The following FBXO11 variants were observed in gnomAD, a reference collection of about 807,000 sequenced individuals.
The protein encoded by FBXO11 is F-box protein 11.
Under a neutral mutation model 117.0 loss-of-function variants are expected in FBXO11, and 13 were observed. The ratio of observed to expected loss-of-function variants is 0.11; its 90% confidence interval spans 0.07 to 0.18. The LOEUF (loss-of-function observed/expected upper bound fraction) is 0.18, where lower values mean the gene tolerates loss of function less well. FBXO11 is among the 10% of genes least tolerant of loss of function. The pLI is 1.00. For synonymous variants in FBXO11, 490 were observed against 380.5 expected, an observed-to-expected ratio of 1.29 and a Z score of -3.35; for missense variants, 767 against 1,164.4, an observed-to-expected ratio of 0.66 and a Z score of 4.97.
chr2:47,901,042 TAC>T (rs1469691203), intron 1 of FBXO11, among the ~76,000 whole-genome samples: 1 of 137,024 alleles, frequency 7.3e-6, no homozygotes, highest in African/African-American at 2.6e-5. Flanking sequence ...CACACGTGTG[TAC>T]ATATATACAC....
rs1670266447 is a variant in FBXO11, at chr2:47,807,138, T to C, written c.*980A>G. 2.5e-6 allele frequency: 1 copy of C among 403,394 alleles called. No individual in the cohort carries two copies. The highest frequency in any genetic ancestry group is 3.4e-5 in the South Asian group (1 of 29,098). The allele number at this position is 403,394 out of a possible 1,614,324, so 25.0% of individuals were successfully genotyped here. On this transcript the variant is annotated 3_prime_UTR_variant, in exon 23 of 23. Coordinates refer to ENST00000403359, the MANE Select transcript of FBXO11 (RefSeq NM_001190274.2). ...AATGGGGGAGGAAAAGCTATGAAAC[T>C]GTATAGGGCTGTATATATACTTGTC...
intron 1 of FBXO11, among the ~76,000 whole-genome samples, chr2:47,885,203 T>C (rs186703635): frequency 1.5e-3 from 226 of 152,150 alleles, no homozygotes; most frequent in African/African-American, 5.2e-3. Flanking sequence ...TAAAAGGAAG[T>C]GATCGAATAC....
At chr2:47,809,993 T>C (rs1670503552) in intron 19 of FBXO11, 1 of 489,782 alleles carries the variant, frequency 2.0e-6, no homozygotes, top group Non-Finnish European at 3.6e-6. Flanking sequence ...TCTTTTTCTG[T>C]TGCAGATTTA....
At position 47,864,122 on chromosome 2, in the gene FBXO11, T is replaced by C. The variant is rs566622393; in HGVS notation, c.233-24353A>G. Reference sequence around the variant, plus strand: ...ATGTTTACAAAGGCATGTGACTTCATTGATCTTCACAGTTATAAGACTAAC... The same window carrying C: ...ATGTTTACAAAGGCATGTGACTTCACTGATCTTCACAGTTATAAGACTAAC... On this transcript the variant is annotated intron_variant, in intron 1 of 22. Coordinates refer to ENST00000403359, the MANE Select transcript of FBXO11 (RefSeq NM_001190274.2). Among the ~76,000 whole-genome samples, 21 of 152,322 alleles carry C rather than the reference T, an allele frequency of 1.4e-4. 1 individual carries two copies. The highest frequency in any genetic ancestry group is 9.6e-4 in the East Asian group (5 of 5,192).
rs140219330 is a variant in FBXO11, at chr2:47,901,065, A to G, written c.232+4424T>C. 3.6e-3 allele frequency among the ~76,000 whole-genome samples: 468 copies of G among 128,320 alleles called. 4 individuals carry two copies. The highest frequency in any genetic ancestry group is 0.012 in the African/African-American group (444 of 36,914). 84.2% of individuals were successfully genotyped at this position (128,320 alleles called of 152,430 possible). On this transcript the variant is annotated intron_variant, in intron 1 of 22. Transcript: ENST00000403359. ...TGTACATATATACACATATATATGT[A>G]TATATATACACACGTGTGTACATAT...
At chr2:47,891,901 G>C (rs1446841451) in intron 1 of FBXO11, among the ~76,000 whole-genome samples, 1 of 151,940 alleles carries the variant, frequency 6.6e-6, no homozygotes, top group African/African-American at 2.4e-5. Flanking sequence ...ATACTTGCTT[G>C]CCATCTGTAT....
chr2:47,882,933 G>A (rs962136661), intron 1 of FBXO11, among the ~76,000 whole-genome samples: 1 of 152,198 alleles, frequency 6.6e-6, no homozygotes, highest in African/African-American at 2.4e-5. Context: ...ACAGGCGTGA[G>A]TCCCCATGCC....
At chr2:47,823,973 A>G (rs1671564243) in intron 11 of FBXO11, among the ~76,000 whole-genome samples, 1 of 152,110 alleles carries the variant, frequency 6.6e-6, no homozygotes, top group Non-Finnish European at 1.5e-5. Context: ...CTAGGACCAT[A>G]GAAAGGCACA....
At chr2:47,854,851 G>GT (rs770264788) in intron 1 of FBXO11, among the ~76,000 whole-genome samples, 48 of 75,160 alleles carry the variant, frequency 6.4e-4, no homozygotes, top group African/African-American at 1.7e-3. Context: ...TCTTTATTCT[G>GT]TTTTTTTTTT....
intron 1 of FBXO11, among the ~76,000 whole-genome samples, chr2:47,853,654 C>T (rs1674055344): frequency 6.6e-6 from 1 of 152,092 alleles, no homozygotes; most frequent in Non-Finnish European, 1.5e-5. Context: ...ATTTTCAGTT[C>T]ATCTATAAAA....
chr2:47,809,300 AG>A, intron 20 of FBXO11, 34 bp from the exon 21 acceptor site: 1 of 1,344,270 alleles, frequency 7.4e-7, no homozygotes, highest in Non-Finnish European at 1.0e-6. Flanking sequence ...AAAAATTCAG[AG>A]GAATGTTAAT....
rs539613927 is a variant in FBXO11 at position 47,813,223 on chromosome 2, A to C, written c.2227+11T>G. 9.3e-6 allele frequency: 15 copies of C among 1,612,508 alleles called. No homozygotes were observed. The highest frequency in any genetic ancestry group is 1.3e-5 in the Non-Finnish European group (15 of 1,178,798). On this transcript the variant is annotated intron_variant, in intron 18 of 22. Transcript: ENST00000403359. ...CTGGATTTTTCACTAATGCAAAATT[A>C]ACAACAATACCTCGACCCCCATTAA...
intron 1 of FBXO11, among the ~76,000 whole-genome samples, chr2:47,854,812 G>C (rs1211263168): frequency 6.6e-6 from 1 of 151,398 alleles, no homozygotes; most frequent in African/African-American, 2.4e-5. Flanking sequence ...TCAAAGAAAA[G>C]TCTTTGAATG....
At chr2:47,834,260 G>A (rs1420587373) in intron 7 of FBXO11, among the ~76,000 whole-genome samples, 1 of 152,056 alleles carries the variant, frequency 6.6e-6, no homozygotes, top group Non-Finnish European at 1.5e-5. Context: ...TGAGGCATGA[G>A]AATTGCTTGA....
At chr2:47,849,424 C>A (rs1175032532) in intron 1 of FBXO11, among the ~76,000 whole-genome samples, 1 of 152,138 alleles carries the variant, frequency 6.6e-6, no homozygotes, top group African/African-American at 2.4e-5. Context: ...ATTTTTGCCA[C>A]CACAGGATCA....
intron 1 of FBXO11, among the ~76,000 whole-genome samples, chr2:47,893,559 G>A (rs75842000): frequency 3.9e-5 from 6 of 152,148 alleles, no homozygotes; most frequent in African/African-American, 1.2e-4. Flanking sequence ...ATAAAACCAA[G>A]AAGCTTACTT....
chr2:47,894,082 G>C (rs1208027986), intron 1 of FBXO11, among the ~76,000 whole-genome samples: 1 of 152,172 alleles, frequency 6.6e-6, no homozygotes, highest in East Asian at 1.9e-4. Flanking sequence ...ACAGAGCCCT[G>C]TCATTCTCAG....
At position 47,836,032 on chromosome 2, in the gene FBXO11, G is replaced by C. The variant is rs767276755; in HGVS notation, c.588-31C>G. The C allele has an allele frequency of 2.7e-6, 4 of 1,504,568 alleles. No homozygotes were observed. The East Asian group carries it at 7.0e-5, about 26-fold the overall frequency. The allele number at this position is 1,504,568 out of a possible 1,614,324, so 93.2% of individuals were successfully genotyped here. On this transcript the variant is annotated intron_variant, in intron 4 of 22. Coordinates refer to ENST00000403359, the MANE Select transcript of FBXO11 (RefSeq NM_001190274.2). ...CAGAGAAAGGAATTAAAATTTTCTT[G>C]ATAAAATGTCCTTTAGATTAATACA...
At chr2:47,863,346 A>G (rs1048427007) in intron 1 of FBXO11, among the ~76,000 whole-genome samples, 3 of 152,318 alleles carry the variant, frequency 2.0e-5, no homozygotes, top group Admixed American at 2.0e-4. Flanking sequence ...CCAACAGAGA[A>G]ACAGAATTAA....
Sources: gnomAD v4.1 joint callset for allele counts (sites outside exome capture counted in the v4.1 genomes callset) on GRCh38, gnomAD v4.1.1 for gene constraint, MANE v1.5 for transcripts, NCBI Gene and HGNC (gene_info 2026-07-23, HGNC 2026-07-21) for gene names.